PPP2R5E: variants seen among roughly 807,000 people sequenced by gnomAD.
PPP2R5E encodes the protein protein phosphatase 2 regulatory subunit B'epsilon.
A neutral mutation model predicts 65.3 loss-of-function variants in PPP2R5E; 4 were observed. The ratio of observed to expected loss-of-function variants is 0.06; its 90% CI spans 0.03 to 0.14. The LOEUF (loss-of-function observed/expected upper bound fraction) is 0.14. PPP2R5E is among the 10% of genes least tolerant of loss of function. The pLI, the probability that PPP2R5E is intolerant of heterozygous loss-of-function variation, is 1.00. For synonymous variants in PPP2R5E, 183 were observed against 187.4 expected (o/e 0.98, Z 0.19); for missense variants, 274 against 556.1 (o/e 0.49, Z 5.10).
chr14:63,492,642 G>T (rs1891336600), intron 2 of PPP2R5E, among the ~76,000 whole-genome samples: 1 of 152,138 alleles, frequency 6.6e-6, no homozygotes, highest in African/African-American at 2.4e-5. Context: ...TTTCTTGTAT[G>T]ATGGCACAGA....
chr14:63,433,032 G>GTTTTTTTTTTTTTTTTT, intron 3 of PPP2R5E, among the ~76,000 whole-genome samples: 183 of 96,390 alleles, frequency 1.9e-3, no homozygotes, highest in Non-Finnish European at 2.7e-3. Context: ...GTTTTGTTTT[G>GTTTTTTTTTTTTTTTTT]TTTTTTTTTT....
intron 5 of PPP2R5E, among the ~76,000 whole-genome samples, chr14:63,413,259 T>C (rs1185531567): frequency 6.6e-6 from 1 of 152,246 alleles, no homozygotes; most frequent in Non-Finnish European, 1.5e-5. Flanking sequence ...ACTGGCTTCA[T>C]AGTAAGACCA....
intron 3 of PPP2R5E, chr14:63,452,402 A>C (rs1396784617): frequency 6.6e-6 from 1 of 152,198 alleles, no homozygotes; most frequent in Non-Finnish European, 1.5e-5. Flanking sequence ...CACCCGGTAC[A>C]TTGTAAAATG....
In PPP2R5E at chr14:63,523,433, A is replaced by T. The variant is rs538770120; in HGVS notation, c.157+16096T>A. Among the ~76,000 whole-genome samples the T allele has an allele frequency of 3.3e-5, 5 of 152,272 alleles. No homozygotes were observed. The East Asian group carries it at 9.6e-4, about 29-fold the overall frequency. On this transcript the variant is annotated intron_variant, in intron 2 of 13. Coordinates refer to ENST00000337537, the MANE Select transcript of PPP2R5E (RefSeq NM_006246.5). ...CCCCCAACCCTGTGCTCTCTGAAAC[A>T]TGTGCTGTGTCCACTCAAGGTTAAA...
intron 2 of PPP2R5E, among the ~76,000 whole-genome samples, chr14:63,521,740 T>C (rs780600433): frequency 1.3e-5 from 2 of 152,160 alleles, no homozygotes; most frequent in Admixed American, 1.3e-4. Context: ...ATAGAACACC[T>C]CACAGAACAG....
At chr14:63,466,851 T>TG (rs1429964080) in intron 2 of PPP2R5E, among the ~76,000 whole-genome samples, 1 of 152,092 alleles carries the variant, frequency 6.6e-6, no homozygotes, top group Non-Finnish European at 1.5e-5. Context: ...AATCAAAACT[T>TG]GGAGAACAGT....
In PPP2R5E at chr14:63,533,630, T is replaced by C. The variant is rs368986314; in HGVS notation, c.157+5899A>G. On this transcript the variant is annotated intron_variant, in intron 2 of 13. Transcript: ENST00000337537. ...ATCTGCAAAATGCCTCGGAAATGTA[T>C]AATGAATTGTGAGACAAGAAATAAC... 3.3e-5 allele frequency among the ~76,000 whole-genome samples: 5 copies of C among 149,730 alleles called. No homozygotes were observed. The South Asian group carries it at 1.1e-3, about 32-fold the overall frequency.
At chr14:63,504,225 G>A (rs1892046775) in intron 2 of PPP2R5E, among the ~76,000 whole-genome samples, 1 of 151,762 alleles carries the variant, frequency 6.6e-6, no homozygotes, top group Admixed American at 6.6e-5. Flanking sequence ...CATTTTCTTG[G>A]CAAGCAAAAC....
chr14:63,480,074 G>C (rs1457830058), intron 2 of PPP2R5E, among the ~76,000 whole-genome samples: 6 of 152,062 alleles, frequency 3.9e-5, no homozygotes, highest in Non-Finnish European at 1.5e-5. Flanking sequence ...CATCACCCAG[G>C]ATCAAAAATT....
At chr14:63,522,815 G>A (rs1892996174) in intron 2 of PPP2R5E, among the ~76,000 whole-genome samples, 1 of 151,474 alleles carries the variant, frequency 6.6e-6, no homozygotes, top group Non-Finnish European at 1.5e-5. Context: ...AAGGAGGTGG[G>A]GGTCACCCAC....
chr14:63,485,196 T>A (rs1427217167), intron 2 of PPP2R5E, among the ~76,000 whole-genome samples: 26 of 126,378 alleles, frequency 2.1e-4, no homozygotes, highest in African/African-American at 4.8e-4. Context: ...TATACTCATT[T>A]AAAAAAAAAA....
chr14:63,419,142 C>T (rs556132763), intron 4 of PPP2R5E, among the ~76,000 whole-genome samples: 113 of 152,110 alleles, frequency 7.4e-4, no homozygotes, highest in Admixed American at 1.4e-3. Context: ...CCACTACGTC[C>T]GGCCAATGGG....
In PPP2R5E at chr14:63,400,054, T is replaced by C. The variant is rs150802488; in HGVS notation, c.550-3338A>G. Among the ~76,000 whole-genome samples, 493 of 152,264 alleles carry C rather than the reference T, an allele frequency of 3.2e-3. 3 individuals carry two copies. The highest frequency in any genetic ancestry group is 0.011 in the African/African-American group (476 of 41,554). ...CAAACTAAAGGATGGTCTTCAAAAA[T>C]AGGTAGAGACAGGACACAATTTTTA... is the stretch of plus-strand genomic sequence containing the variant. On this transcript the variant is annotated intron_variant, in intron 5 of 13. Transcript: ENST00000337537.
At chr14:63,466,284 A>AC (rs1555363029) in intron 2 of PPP2R5E, among the ~76,000 whole-genome samples, 1 of 150,310 alleles carries the variant, frequency 6.7e-6, no homozygotes, top group African/African-American at 2.5e-5. Context: ...AAAAAAAAAA[A>AC]AACAACAACA....
In PPP2R5E at chr14:63,532,538, C is replaced by G. The variant is rs75536102; in HGVS notation, c.157+6991G>C. ...TTTCAGAGAAATTTCCAATTTCCAC[C>G]TTTTTACTAGTAAAATATGTCATAA... On this transcript the variant is annotated intron_variant, in intron 2 of 13. Transcript: ENST00000337537. 6.9e-3 allele frequency among the ~76,000 whole-genome samples: 1,050 copies of G among 152,124 alleles called. 65 individuals carry two copies. The East Asian group carries it at 0.15, about 21-fold the overall frequency.
intron 5 of PPP2R5E, among the ~76,000 whole-genome samples, chr14:63,397,449 C>G (rs529541845): frequency 7.2e-6 from 1 of 138,024 alleles, no homozygotes; most frequent in Non-Finnish European, 1.5e-5. Flanking sequence ...TTACAGTGAG[C>G]TGCGATCGCG....
intron 5 of PPP2R5E, among the ~76,000 whole-genome samples, chr14:63,413,043 GCTAC>G (rs1039063112): frequency 2.6e-5 from 4 of 152,188 alleles, no homozygotes; most frequent in Non-Finnish European, 5.9e-5. Flanking sequence ...AATGGAACAA[GCTAC>G]CTGTGTATAT....
At chr14:63,491,540 A>G (rs1462098492) in intron 2 of PPP2R5E, among the ~76,000 whole-genome samples, 1 of 152,122 alleles carries the variant, frequency 6.6e-6, no homozygotes, top group African/African-American at 2.4e-5. Flanking sequence ...TGAGTTAAAG[A>G]AAGTATATTA....
chr14:63,378,487 G>C lies in PPP2R5E; in HGVS notation c.1305-2379C>G, dbSNP rs548985356. Among the ~76,000 whole-genome samples the C allele has an allele frequency of 1.4e-3, 210 of 152,248 alleles. 1 individual carries two copies. Among genetic ancestry groups the C allele is most frequent in the African/African-American group, 4.9e-3 (203 of 41,554 alleles). On this transcript the variant is annotated intron_variant, in intron 13 of 13. Coordinates refer to ENST00000337537, the MANE Select transcript of PPP2R5E (RefSeq NM_006246.5). ...ACATTCATCATCTTGTTACTAAAGTGTTTCATGTTTTTGATCAAATATGGC... is the reference window on the plus strand; with the variant it reads ...ACATTCATCATCTTGTTACTAAAGTCTTTCATGTTTTTGATCAAATATGGC...
Sources: allele counts gnomAD v4.1 joint callset (sites outside exome capture counted in the v4.1 genomes callset), GRCh38; gene constraint gnomAD v4.1.1; transcripts MANE v1.5; gene names NCBI Gene and HGNC (gene_info 2026-07-23, HGNC 2026-07-21).